ZDHHC21: variants seen among roughly 807,000 people sequenced by gnomAD.
ZDHHC21 encodes palmitoyltransferase ZDHHC21.
In ZDHHC21, 15 loss-of-function variants were observed where a neutral mutation model predicts 34.6. The ratio of observed to expected loss-of-function variants is 0.43; its 90% CI spans 0.29 to 0.67. The LOEUF (loss-of-function observed/expected upper bound fraction) is 0.67, where lower values mean the gene tolerates loss of function less well. ZDHHC21 is among the 30% of genes least tolerant of loss of function. ZDHHC21 has a pLI of 0.14. For synonymous variants in ZDHHC21, 142 were observed against 101.8 expected, an observed-to-expected ratio of 1.40 and a Z score of -2.38; for missense variants, 344 against 327.7, an observed-to-expected ratio of 1.05 and a Z score of -0.38.
intron 8 of ZDHHC21, among the ~76,000 whole-genome samples, chr9:14,637,524 G>A (rs1248263427): frequency 6.6e-6 from 1 of 151,966 alleles, no homozygotes; most frequent in Non-Finnish European, 1.5e-5. Flanking sequence ...AATTGAAAAG[G>A]AAGGAACTGG....
At chr9:14,653,161 A>G (rs1831557921) in intron 7 of ZDHHC21, among the ~76,000 whole-genome samples, 1 of 152,008 alleles carries the variant, frequency 6.6e-6, no homozygotes, top group Non-Finnish European at 1.5e-5. Flanking sequence ...AAAGGATAAT[A>G]AGATGAAGTT....
chr9:14,604,836 CG>C, the ZDHHC21 span, among the ~76,000 whole-genome samples: 1 of 152,110 alleles, frequency 6.6e-6, no homozygotes, highest in Non-Finnish European at 1.5e-5. Context: ...TTTAAACTCG[CG>C]TGACAGAAAC....
chr9:14,685,791 C>G (rs1258922728), intron 2 of ZDHHC21, among the ~76,000 whole-genome samples: 2 of 152,178 alleles, frequency 1.3e-5, no homozygotes, highest in Non-Finnish European at 2.9e-5. Flanking sequence ...ATAGCAAAGA[C>G]TTGGAACCAA....
chr9:14,601,363 A>C, the ZDHHC21 span, among the ~76,000 whole-genome samples: 1 of 152,358 alleles, frequency 6.6e-6, no homozygotes, highest in African/African-American at 2.4e-5. Flanking sequence ...TCTCAAAAGA[A>C]GACATTTTGC....
chr9:14,654,768 G>T (rs1831885811), intron 7 of ZDHHC21, among the ~76,000 whole-genome samples: 1 of 152,010 alleles, frequency 6.6e-6, no homozygotes, highest in Non-Finnish European at 1.5e-5. Flanking sequence ...CAGAAGAGGT[G>T]ATTAGTAAAC....
chr9:14,675,301 GTCT>G (rs1731308243), intron 3 of ZDHHC21, among the ~76,000 whole-genome samples: 1 of 151,890 alleles, frequency 6.6e-6, no homozygotes. Context: ...GCTGTATAAA[GTCT>G]AGGGGGTACC....
intron 7 of ZDHHC21, among the ~76,000 whole-genome samples, chr9:14,648,797 T>TA (rs564653511): frequency 6.6e-6 from 1 of 152,044 alleles, no homozygotes; most frequent in Non-Finnish European, 1.5e-5. Context: ...TTTATTAAAA[T>TA]AAAAAAACTG....
chr9:14,649,219 T>C (rs1830795836), intron 7 of ZDHHC21, among the ~76,000 whole-genome samples: 1 of 152,102 alleles, frequency 6.6e-6, no homozygotes, highest in Non-Finnish European at 1.5e-5. Flanking sequence ...TGTTTTTCTC[T>C]GTTGTTAAAA....
the ZDHHC21 span, among the ~76,000 whole-genome samples, chr9:14,605,872 T>A: frequency 6.6e-6 from 1 of 152,158 alleles, no homozygotes; most frequent in African/African-American, 2.4e-5. Context: ...TATACAATAT[T>A]ACAGAAACAA....
Position 14,659,941 on chromosome 9 carries a change from T to A in ZDHHC21, c.366-1054A>T, listed in dbSNP as rs141101409. Among the ~76,000 whole-genome samples, 4 of 152,326 alleles carry A rather than the reference T, an allele frequency of 2.6e-5. No homozygotes were observed. In the East Asian group the frequency reaches 7.7e-4, roughly 29 times the overall value. On this transcript the variant is annotated intron_variant, in intron 6 of 9. Transcript: ENST00000380916. ...TGAAAGATGACTTATCATTGTTCCA[T>A]CTTTCCTGTCCCCAGGAAGTTTGAG...
chr9:14,693,366 G>A lies in ZDHHC21; in HGVS notation c.-362C>T. 1 of 398,038 alleles carries A rather than the reference G, an allele frequency of 2.5e-6. No individual in the cohort carries two copies. The highest frequency in any genetic ancestry group is 4.9e-6 in the Non-Finnish European group (1 of 203,038). The allele number at this position is 398,038 out of a possible 1,614,324, so 24.7% of individuals were successfully genotyped here. On this transcript the variant is annotated 5_prime_UTR_variant, in exon 1 of 10. Transcript: ENST00000380916. The stretch of plus-strand genomic sequence containing the variant: ...CCGCTCTCCCCTTCCGCTTCCGGGA[G>A]CCTGAGGGCCTGGACCGGCCGAGTG...
rs145713650 is a variant in ZDHHC21 at position 14,658,884 on chromosome 9, A to G, written c.369T>C (p.Ile123=). ...GATTATCTTCACCAACACAATTGTT[A>G]ATCCTAAAGAAAAAAAATGAAAAAG... ...VRRMDHHCPW[I]NNCVGEDNHW... The change falls in exon 7 of 10, where the codon ATT becomes ATC. Residue 123 remains isoleucine, a synonymous_variant. Coordinates refer to ENST00000380916, the MANE Select transcript of ZDHHC21 (RefSeq NM_178566.6). The G allele has an allele frequency of 2.9e-5, 46 of 1,599,492 alleles. No homozygotes were observed. The African/African-American group carries it at 6.0e-4, about 21-fold the overall frequency.
intron 8 of ZDHHC21, among the ~76,000 whole-genome samples, chr9:14,633,919 G>T (rs186842359): frequency 1.3e-5 from 2 of 152,258 alleles, no homozygotes; most frequent in Admixed American, 1.3e-4. Context: ...TTTGCCTTGG[G>T]CCTGGAGATC....
chr9:14,662,183 T>C, intron 6 of ZDHHC21, 32 bp downstream of exon 6: 1 of 1,405,556 alleles, frequency 7.1e-7, no homozygotes. Context: ...TACCCACCCC[T>C]CTTTTCTTTG....
rs1052758104 is a variant in ZDHHC21 at position 14,615,000 on chromosome 9, G to C, written c.*3966C>G. ...GGAAGCGCAAGAGAAGCAGAGACTA[G>C]AGAAAAGTCCAGAGAGAGACTAGCA... On this transcript the variant is annotated 3_prime_UTR_variant, in exon 10 of 10. Coordinates refer to ENST00000380916, the MANE Select transcript of ZDHHC21 (RefSeq NM_178566.6). The C allele has an allele frequency of 6.6e-6, 1 of 151,628 alleles. No individual in the cohort carries two copies. Among genetic ancestry groups the C allele is most frequent in the Non-Finnish European group, 1.5e-5 (1 of 67,682 alleles). 9.4% of individuals were successfully genotyped at this position (151,628 alleles called of 1,614,324 possible).
rs1268905210 is a variant in ZDHHC21 at position 14,615,245 on chromosome 9, A to G, written c.*3721T>C. 1 of 151,748 alleles carries G rather than the reference A, an allele frequency of 6.6e-6. No individual in the cohort carries two copies. Among genetic ancestry groups the G allele is most frequent in the Admixed American group, 6.6e-5 (1 of 15,204 alleles). 9.4% of individuals were successfully genotyped at this position (151,748 alleles called of 1,614,324 possible). ...ATTAATACACCCTTTGGAGTGAAAC[A>G]TATCACCCACTAGTTACTTGTATGG... On this transcript the variant is annotated 3_prime_UTR_variant, in exon 10 of 10. Transcript: ENST00000380916.
At position 14,643,381 on chromosome 9, in the gene ZDHHC21, G is replaced by T. The variant is rs1023470317; in HGVS notation, c.505-3369C>A. Among the ~76,000 whole-genome samples, 38 of 152,150 alleles carry T rather than the reference G, an allele frequency of 2.5e-4. 2 individuals carry two copies. The highest frequency in any genetic ancestry group is 8.7e-4 in the African/African-American group (36 of 41,424). ...GGCTCTCCCTCACCCCTACCCTAAA[G>T]GTAAAGGTTACTAACTCCTTCTTCA... On this transcript the variant is annotated intron_variant, in intron 7 of 9. Transcript: ENST00000380916.
At chr9:14,636,767 T>C (rs1290122536) in intron 8 of ZDHHC21, among the ~76,000 whole-genome samples, 2 of 152,074 alleles carry the variant, frequency 1.3e-5, no homozygotes, top group African/African-American at 4.8e-5. Context: ...TTGGAAACTA[T>C]ACAAATACAT....
chr9:14,634,611 C>T (rs1827948042), intron 8 of ZDHHC21, among the ~76,000 whole-genome samples: 1 of 152,130 alleles, frequency 6.6e-6, no homozygotes, highest in Non-Finnish European at 1.5e-5. Context: ...CAAACAAATC[C>T]TACAGCAACT....
Sources: allele counts gnomAD v4.1 joint callset (sites outside exome capture counted in the v4.1 genomes callset), GRCh38; gene constraint gnomAD v4.1.1; transcripts MANE v1.5; gene names NCBI Gene and HGNC (gene_info 2026-07-23, HGNC 2026-07-21).